The following TBC1D19 variants were observed in gnomAD, a reference collection of about 807,000 sequenced individuals.
TBC1D19 encodes TBC1 domain family, member 19.
In TBC1D19, 60 loss-of-function variants were observed where a neutral mutation model predicts 89.0. The ratio of observed to expected loss-of-function variants is 0.67; its 90% confidence interval spans 0.55 to 0.84. The LOEUF (loss-of-function observed/expected upper bound fraction) is 0.84, where lower values mean the gene tolerates loss of function less well. Among genes scored for constraint, TBC1D19 ranks in the 40% least tolerant of loss-of-function variants. The probability of loss-of-function intolerance (pLI) is 0.00; values close to 1 mark genes in which losing one functional copy is unlikely to be tolerated. For missense variants in TBC1D19, 500 were observed against 610.8 expected (o/e 0.82, Z 1.91); for synonymous variants, 189 against 199.7 (o/e 0.95, Z 0.45).
At chr4:26,688,289 G>A (rs1165322692) in intron 12 of TBC1D19, 56 bp from the exon 13 acceptor site, 15 of 1,517,494 alleles carry the variant, frequency 9.9e-6, no homozygotes, top group Non-Finnish European at 1.3e-5. Context: ...GTATGCTTTA[G>A]TACTACAGAC....
intron 11 of TBC1D19, among the ~76,000 whole-genome samples, chr4:26,681,575 C>T (rs1044386776): frequency 5.3e-5 from 8 of 151,754 alleles, no homozygotes; most frequent in African/African-American, 1.7e-4. Context: ...TATATACAGC[C>T]TTCAGTCTAT....
the TBC1D19 span, among the ~76,000 whole-genome samples, chr4:26,808,621 C>T: frequency 1.4e-5 from 2 of 146,466 alleles, no homozygotes; most frequent in Admixed American, 7.0e-5. Flanking sequence ...CCCAGCTACT[C>T]GGGAGGCTGA....
chr4:26,647,729 T>G (rs1253915456), intron 7 of TBC1D19, among the ~76,000 whole-genome samples: 3 of 152,126 alleles, frequency 2.0e-5, no homozygotes, highest in Non-Finnish European at 4.4e-5. Flanking sequence ...TACCCCTGGC[T>G]TCCTCCCAGC....
intron 15 of TBC1D19, among the ~76,000 whole-genome samples, chr4:26,731,939 G>T (rs1435075278): frequency 6.6e-6 from 1 of 152,106 alleles, no homozygotes; most frequent in Non-Finnish European, 1.5e-5. Context: ...AAAAAATTAA[G>T]CCTGGCTTTG....
intron 7 of TBC1D19, among the ~76,000 whole-genome samples, chr4:26,657,479 C>T (rs1744934700): frequency 6.6e-6 from 1 of 152,102 alleles, no homozygotes; most frequent in Admixed American, 6.5e-5. Flanking sequence ...TTTATCCAGT[C>T]TATGATTTAT....
chr4:26,830,196 A>G, the TBC1D19 span, among the ~76,000 whole-genome samples: 2 of 152,292 alleles, frequency 1.3e-5, no homozygotes, highest in Admixed American at 1.3e-4. Flanking sequence ...GCACTTGCAA[A>G]TTACCCCCCC....
chr4:26,638,631 C>G (rs1312878208), intron 5 of TBC1D19, 140 bp from the exon 6 acceptor site: 14 of 639,926 alleles, frequency 2.2e-5, no homozygotes. Flanking sequence ...CAGTTACCCC[C>G]CAAATTCAAC....
intron 11 of TBC1D19, 26 bp downstream of exon 11, chr4:26,673,914 G>T (rs1157551807): frequency 1.4e-6 from 2 of 1,395,288 alleles, no homozygotes. Flanking sequence ...GGGTGGGTCA[G>T]ATTTTAGCTT....
chr4:26,689,420 C>T (rs1392125790), intron 13 of TBC1D19, among the ~76,000 whole-genome samples: 1 of 151,978 alleles, frequency 6.6e-6, no homozygotes, highest in Non-Finnish European at 1.5e-5. Flanking sequence ...ATTCTTAGTA[C>T]TCAGTAAATT....
the TBC1D19 span, among the ~76,000 whole-genome samples, chr4:26,763,168 A>G: frequency 3.3e-5 from 5 of 152,328 alleles, no homozygotes; most frequent in East Asian, 9.6e-4. Context: ...ATAATGATCG[A>G]ATGTAAACCA....
At chr4:26,739,651 A>G (rs955982948) in intron 16 of TBC1D19, among the ~76,000 whole-genome samples, 1 of 152,152 alleles carries the variant, frequency 6.6e-6, no homozygotes, top group African/African-American at 2.4e-5. Context: ...AATAGTTTGT[A>G]ATATATTCCT....
intron 11 of TBC1D19, among the ~76,000 whole-genome samples, chr4:26,676,700 C>T (rs1170427507): frequency 2.7e-5 from 4 of 146,728 alleles, no homozygotes; most frequent in Non-Finnish European, 6.0e-5. Context: ...GCCTGGGCAG[C>T]AGGGCAAGAC....
At chr4:26,624,869 G>T (rs2110043930) in intron 4 of TBC1D19, among the ~76,000 whole-genome samples, 1 of 152,154 alleles carries the variant, frequency 6.6e-6, no homozygotes, top group East Asian at 1.9e-4. Context: ...TGTGTGACTA[G>T]CGGGAAGTGA....
At position 26,588,024 on chromosome 4, in the gene TBC1D19, CT is replaced by C. The variant is rs573029265; in HGVS notation, c.99+3751del. On this transcript the variant is annotated intron_variant, in intron 1 of 20. Transcript: ENST00000264866. ...CCTTCCTTATACTGTCATATGTGTT[CT>C]TTTTTTTTTTTTTTTTTTGAGGTGA... Among the ~76,000 whole-genome samples the C allele has an allele frequency of 3.6e-3, 434 of 119,290 alleles. 1 individual carries two copies. Among genetic ancestry groups the C allele is most frequent in the African/African-American group, 7.3e-3 (222 of 30,542 alleles). The allele number at this position is 119,290 out of a possible 152,430, so 78.3% of individuals were successfully genotyped here.
At chr4:26,586,958 G>A (rs1337232146) in intron 1 of TBC1D19, among the ~76,000 whole-genome samples, 1 of 151,930 alleles carries the variant, frequency 6.6e-6, no homozygotes, top group Non-Finnish European at 1.5e-5. Context: ...TTGACTTACT[G>A]TACTGGATAA....
chr4:26,842,987 A>T, the TBC1D19 span, among the ~76,000 whole-genome samples: 4 of 152,156 alleles, frequency 2.6e-5, no homozygotes, highest in Non-Finnish European at 5.9e-5. Flanking sequence ...TGGAGGAGGT[A>T]ATATATGATC....
At chr4:26,592,924 T>G (rs965401111) in intron 1 of TBC1D19, among the ~76,000 whole-genome samples, 2 of 152,088 alleles carry the variant, frequency 1.3e-5, no homozygotes, top group Non-Finnish European at 2.9e-5. Context: ...CAAGGTAATT[T>G]ATAGATTCAA....
At position 26,711,149 on chromosome 4, in the gene TBC1D19, C is replaced by T. The variant is rs530902285; in HGVS notation, c.955-6784C>T. On this transcript the variant is annotated intron_variant, in intron 13 of 20. Transcript: ENST00000264866. ...CCTAGGTTTTCTTCTAGGGTTTTTA[C>T]GGTTTTAGGTCTCACATTTAAGTCT... 1.0e-3 allele frequency among the ~76,000 whole-genome samples: 157 copies of T among 152,050 alleles called. 1 individual carries two copies. Among genetic ancestry groups the T allele is most frequent in the Non-Finnish European group, 1.7e-3 (118 of 67,942 alleles).
intron 8 of TBC1D19, among the ~76,000 whole-genome samples, chr4:26,660,103 C>A (rs1207622679): frequency 2.0e-5 from 3 of 152,016 alleles, no homozygotes; most frequent in Non-Finnish European, 2.9e-5. Flanking sequence ...AGATGAGGCA[C>A]TTAGGGAGAT....
Sources: gnomAD v4.1 joint callset for allele counts (sites outside exome capture counted in the v4.1 genomes callset) on GRCh38, gnomAD v4.1.1 for gene constraint, MANE v1.5 for transcripts, NCBI Gene and HGNC (gene_info 2026-07-23, HGNC 2026-07-21) for gene names.